Variants in TMEM44 observed in about 807,000 individuals in gnomAD.
The protein encoded by TMEM44 is transmembrane protein 44.
TMEM44 carries 43 observed loss-of-function variants against 47.8 expected under a neutral mutation model. The observed-to-expected ratio is 0.90, with a 90% CI of 0.70 to 1.16. The LOEUF is 1.16. Among genes scored for constraint, TMEM44 ranks in the 50% most tolerant of loss-of-function variants. The pLI, the probability that TMEM44 is intolerant of heterozygous loss-of-function variation, is 0.00. For synonymous variants in TMEM44, 277 were observed against 238.8 expected, an observed-to-expected ratio of 1.16 and a Z score of -1.48; for missense variants, 568 against 555.2, an observed-to-expected ratio of 1.02 and a Z score of -0.23.
At chr3:194,631,161 G>T (rs1024416481) in intron 1 of TMEM44, among the ~76,000 whole-genome samples, 1 of 150,416 alleles carries the variant, frequency 6.6e-6, no homozygotes. Flanking sequence ...CTCCCGAAGG[G>T]GCTGGCTGTT....
chr3:194,596,940 A>C (rs1713488373), intron 9 of TMEM44: 1 of 152,272 alleles, frequency 6.6e-6, no homozygotes, highest in Non-Finnish European at 1.5e-5. Flanking sequence ...AAGTTTGGAG[A>C]GAGAACAAGC....
In TMEM44 at chr3:194,626,279, G is replaced by A. The variant is rs542738696; in HGVS notation, c.265-289C>T. ...CTCTATTCCACACACTTCCCACTGCGTGAGGCAGTCTCTGCTGTGTACCCT... is the reference window on the plus strand; with the variant it reads ...CTCTATTCCACACACTTCCCACTGCATGAGGCAGTCTCTGCTGTGTACCCT... On this transcript the variant is annotated intron_variant, in intron 2 of 9. Coordinates refer to ENST00000347147, the MANE Select transcript of TMEM44 (RefSeq NM_001011655.3). Among the ~76,000 whole-genome samples the A allele has an allele frequency of 2.7e-4, 41 of 152,320 alleles. No individual in the cohort carries two copies. In the South Asian group the frequency reaches 7.7e-3, roughly 28 times the overall value.
chr3:194,588,531 AATC>A lies in TMEM44; in HGVS notation c.1282_1284del (p.Asp428del). 1 of 1,613,698 alleles carries A rather than the reference AATC, an allele frequency of 6.2e-7. No individual in the cohort carries two copies. The highest frequency in any genetic ancestry group is 8.5e-7 in the Non-Finnish European group (1 of 1,179,718). On this transcript the variant is annotated inframe_deletion, in exon 10 of 10. Coordinates refer to ENST00000347147, the MANE Select transcript of TMEM44 (RefSeq NM_001011655.3). ...TGATGAGCTGGCTCCAGAAGGTGTTAATCATCATCACTCAGGTGTGCTGTCCTC... is the reference window on the plus strand; with the variant it reads ...TGATGAGCTGGCTCCAGAAGGTGTTAATCATCACTCAGGTGTGCTGTCCTC...
rs531266725 is a variant in TMEM44, at chr3:194,612,688, G to A, written c.913-1668C>T. Among the ~76,000 whole-genome samples the A allele has an allele frequency of 4.0e-5, 6 of 151,512 alleles. No homozygotes were observed. In the South Asian group the frequency reaches 1.0e-3, roughly 26 times the overall value. On this transcript the variant is annotated intron_variant, in intron 7 of 9. Coordinates refer to ENST00000347147, the MANE Select transcript of TMEM44 (RefSeq NM_001011655.3). ...ATATTCAAGTCCTTTTTTTTGAGAC[G>A]GAGTCTCGCTCTGTCGCCCAGGCTG...
chr3:194,619,076 A>G (rs1716256276), intron 5 of TMEM44, among the ~76,000 whole-genome samples: 1 of 152,222 alleles, frequency 6.6e-6, no homozygotes, highest in African/African-American at 2.4e-5. Context: ...CCACCATGTT[A>G]CAGAGGACAC....
chr3:194,605,445 G>C (rs923389461), intron 8 of TMEM44, among the ~76,000 whole-genome samples: 1 of 152,230 alleles, frequency 6.6e-6, no homozygotes, highest in African/African-American at 2.4e-5. Flanking sequence ...AGGTTTAATG[G>C]ACTTACAGTT....
intron 5 of TMEM44, among the ~76,000 whole-genome samples, chr3:194,621,188 G>A (rs1337824588): frequency 6.6e-6 from 1 of 152,078 alleles, no homozygotes; most frequent in East Asian, 1.9e-4. Flanking sequence ...ACACAGAAAG[G>A]TACGGAGGGA....
chr3:194,599,222 T>C (rs1713776735), intron 9 of TMEM44, among the ~76,000 whole-genome samples: 1 of 152,212 alleles, frequency 6.6e-6, no homozygotes, highest in South Asian at 2.1e-4. Flanking sequence ...GACTCTCAAC[T>C]GTGACTGGTT....
At chr3:194,602,699 C>T (rs577828571) in intron 9 of TMEM44, among the ~76,000 whole-genome samples, 114 of 151,784 alleles carry the variant, frequency 7.5e-4, no homozygotes, top group African/African-American at 2.7e-3. Context: ...GGCGAAAGGG[C>T]CAGAGAAGAG....
At chr3:194,623,724 C>T (rs371160489) in intron 3 of TMEM44, 29 bp from the exon 4 acceptor site, 618 of 1,613,114 alleles carry the variant, frequency 3.8e-4, no homozygotes, top group Non-Finnish European at 4.6e-4. Context: ...TCCCACATGG[C>T]TCCTGGAAGC....
At chr3:194,613,905 C>T (rs1577196283) in intron 7 of TMEM44, among the ~76,000 whole-genome samples, 1 of 151,822 alleles carries the variant, frequency 6.6e-6, no homozygotes, top group South Asian at 2.1e-4. Flanking sequence ...GGCGGATCAT[C>T]TGAGGTTGGG....
At chr3:194,613,211 T>C (rs752949760) in intron 7 of TMEM44, among the ~76,000 whole-genome samples, 1 of 152,156 alleles carries the variant, frequency 6.6e-6, no homozygotes, top group Non-Finnish European at 1.5e-5. Flanking sequence ...AGATTTTCAC[T>C]TTATTGCCCA....
intron 9 of TMEM44, among the ~76,000 whole-genome samples, chr3:194,592,134 C>T (rs1327940240): frequency 1.3e-5 from 2 of 151,132 alleles, no homozygotes; most frequent in Admixed American, 6.6e-5. Flanking sequence ...AGGAGAATGG[C>T]ATGAACCCAG....
intron 1 of TMEM44, among the ~76,000 whole-genome samples, chr3:194,630,251 C>T (rs1186442306): frequency 1.8e-4 from 1 of 5,488 alleles, no homozygotes; most frequent in Non-Finnish European, 4.7e-4. Context: ...CTGTTTCCAT[C>T]GGCGTCACTG....
At chr3:194,602,925 CA>C (rs1714316396) in intron 9 of TMEM44, among the ~76,000 whole-genome samples, 1 of 152,194 alleles carries the variant, frequency 6.6e-6, no homozygotes, top group Admixed American at 6.5e-5. Flanking sequence ...AAACCCAAAC[CA>C]AAAACTCAAC....
At chr3:194,597,758 C>G (rs1713605853) in intron 9 of TMEM44, among the ~76,000 whole-genome samples, 1 of 152,106 alleles carries the variant, frequency 6.6e-6, no homozygotes, top group South Asian at 2.1e-4. Flanking sequence ...TGCTGTCACA[C>G]ATACCCCTGA....
rs1245628239 is a variant in TMEM44, at chr3:194,611,400, C to T, written c.913-380G>A. Reference sequence around the variant, plus strand: ...GATGACAGGCGTGAGCCACCACACCCGGCCTATTCTGCTTTTTAAGATCCC... The same window carrying T: ...GATGACAGGCGTGAGCCACCACACCTGGCCTATTCTGCTTTTTAAGATCCC... On this transcript the variant is annotated intron_variant, in intron 7 of 9. Coordinates refer to ENST00000347147, the MANE Select transcript of TMEM44 (RefSeq NM_001011655.3). This position sits in a 1 kb window ranked among gnomAD's most constrained non-coding sequence, Gnocchi z 4.2. Among the ~76,000 whole-genome samples, 1 of 152,136 alleles carries T rather than the reference C, an allele frequency of 6.6e-6. No homozygotes were observed. Among genetic ancestry groups the T allele is most frequent in the Non-Finnish European group, 1.5e-5 (1 of 68,034 alleles).
At chr3:194,619,547 G>C (rs893056933) in intron 5 of TMEM44, among the ~76,000 whole-genome samples, 1 of 152,180 alleles carries the variant, frequency 6.6e-6, no homozygotes, top group Non-Finnish European at 1.5e-5. Flanking sequence ...TGGGTGTTTC[G>C]TACCCCTGTC....
chr3:194,628,805 C>T (rs531619299), intron 1 of TMEM44, among the ~76,000 whole-genome samples: 2 of 152,190 alleles, frequency 1.3e-5, no homozygotes, highest in South Asian at 4.2e-4. Context: ...TTTGATGACC[C>T]CCCACCTAGC....
Sources: allele counts gnomAD v4.1 joint callset (sites outside exome capture counted in the v4.1 genomes callset), GRCh38; gene constraint gnomAD v4.1.1; non-coding constraint Gnocchi (gnomAD v3.1); transcripts MANE v1.5; gene names NCBI Gene and HGNC (gene_info 2026-07-23, HGNC 2026-07-21).